The following TRIM44 variants were observed in gnomAD, a reference collection of about 807,000 sequenced individuals.
The protein encoded by TRIM44 is tripartite motif containing 44.
In TRIM44, 13 loss-of-function variants were observed where a neutral mutation model predicts 37.4. The observed-to-expected ratio is 0.35, with a 90% CI of 0.23 to 0.55. The LOEUF is 0.55. TRIM44 is among the 20% of genes least tolerant of loss of function. The probability of loss-of-function intolerance (pLI) is 0.89; values close to 1 mark genes in which losing one functional copy is unlikely to be tolerated. For synonymous variants in TRIM44, 175 were observed against 157.2 expected (o/e 1.11, Z -0.85); for missense variants, 426 against 437.2 (o/e 0.97, Z 0.23).
At chr11:35,725,066 T>TCTCACACACA (rs371948145) in intron 2 of TRIM44, among the ~76,000 whole-genome samples, 38 of 141,164 alleles carry the variant, frequency 2.7e-4, no homozygotes, top group African/African-American at 1.0e-3. Context: ...ATGCACACAC[T>TCTCACACACA]CACACACACA....
chr11:35,773,445 T>G (rs970164518), intron 4 of TRIM44, among the ~76,000 whole-genome samples: 10 of 152,058 alleles, frequency 6.6e-5, no homozygotes, highest in African/African-American at 2.4e-4. Context: ...GTTTACTCGG[T>G]GGATAGTTTA....
chr11:35,738,528 C>A (rs1276918252), intron 4 of TRIM44, among the ~76,000 whole-genome samples: 1 of 152,084 alleles, frequency 6.6e-6, no homozygotes, highest in Non-Finnish European at 1.5e-5. Flanking sequence ...GTCAGATTTT[C>A]TTTTTTAACC....
intron 4 of TRIM44, among the ~76,000 whole-genome samples, chr11:35,767,421 A>G (rs188123436): frequency 6.6e-6 from 1 of 152,246 alleles, no homozygotes; most frequent in East Asian, 1.9e-4. Context: ...TTAGGTATGC[A>G]ATAGATAATC....
chr11:35,720,345 G>A (rs912534247), intron 2 of TRIM44, among the ~76,000 whole-genome samples: 9 of 151,762 alleles, frequency 5.9e-5, no homozygotes, highest in African/African-American at 2.2e-4. Flanking sequence ...CTGGTATATA[G>A]GAAGGTGATT....
chr11:35,717,996 G>C (rs1759849996), intron 2 of TRIM44, among the ~76,000 whole-genome samples: 1 of 152,150 alleles, frequency 6.6e-6, no homozygotes, highest in Non-Finnish European at 1.5e-5. Context: ...AGGGCACCAG[G>C]AATCTAACTC....
intron 3 of TRIM44, among the ~76,000 whole-genome samples, chr11:35,727,539 CTCT>C (rs1852193299): frequency 6.6e-6 from 1 of 152,194 alleles, no homozygotes; most frequent in African/African-American, 2.4e-5. Context: ...AAAAGAATAA[CTCT>C]TCTTCTTTTC....
chr11:35,675,660 T>C (rs1851452314), intron 1 of TRIM44, among the ~76,000 whole-genome samples: 1 of 152,172 alleles, frequency 6.6e-6, no homozygotes, highest in Admixed American at 6.5e-5. Flanking sequence ...TGGCTGGAAT[T>C]ACAGGCGCCT....
At chr11:35,751,671 A>C (rs1372565801) in intron 4 of TRIM44, among the ~76,000 whole-genome samples, 1 of 152,238 alleles carries the variant, frequency 6.6e-6, no homozygotes. Flanking sequence ...AAGTGAAATA[A>C]GAGTGAATGA....
intron 2 of TRIM44, among the ~76,000 whole-genome samples, chr11:35,706,293 C>A (rs1374013157): frequency 6.6e-6 from 1 of 151,462 alleles, no homozygotes; most frequent in Non-Finnish European, 1.5e-5. Context: ...CAAAAAGAGT[C>A]CAGGACCAGA....
At chr11:35,725,820 A>C in intron 2 of TRIM44, 104 bp from the exon 3 acceptor site, 80 of 1,160,014 alleles carry the variant, frequency 6.9e-5, no homozygotes, top group Non-Finnish European at 9.1e-5. Context: ...AGGATTGGAT[A>C]GGATCCATGG....
At chr11:35,803,083 C>T (rs1314683174) in intron 4 of TRIM44, among the ~76,000 whole-genome samples, 2 of 152,042 alleles carry the variant, frequency 1.3e-5, no homozygotes, top group Non-Finnish European at 2.9e-5. Context: ...TGGAAGATAG[C>T]ATTTCGATGA....
chr11:35,694,476 A>AT lies in TRIM44; in HGVS notation c.747+9141dup, dbSNP rs752448085. 1.7e-4 allele frequency among the ~76,000 whole-genome samples: 26 copies of AT among 152,282 alleles called. 1 individual carries two copies. The highest frequency in any genetic ancestry group is 2.9e-4 in the Non-Finnish European group (20 of 68,018). The stretch of plus-strand genomic sequence containing the variant: ...TACCTTATAAAGTATAAGGTTATCC[A>AT]TGAATAAGGCTGGCTGCAAAATCCT... On this transcript the variant is annotated intron_variant, in intron 2 of 4. Coordinates refer to ENST00000299413, the MANE Select transcript of TRIM44 (RefSeq NM_017583.6).
At chr11:35,787,640 T>A (rs1853147457) in intron 4 of TRIM44, among the ~76,000 whole-genome samples, 1 of 152,214 alleles carries the variant, frequency 6.6e-6, no homozygotes, top group Admixed American at 6.5e-5. Context: ...GGGCTGTAAG[T>A]GATTAATCTG....
chr11:35,673,057 G>C (rs1463909891), intron 1 of TRIM44, among the ~76,000 whole-genome samples: 1 of 152,192 alleles, frequency 6.6e-6, no homozygotes, highest in Non-Finnish European at 1.5e-5. Flanking sequence ...AAAAAGTCTT[G>C]GAAGTATGCA....
chr11:35,688,244 T>A (rs1315812270), intron 2 of TRIM44, among the ~76,000 whole-genome samples: 1 of 152,206 alleles, frequency 6.6e-6, no homozygotes, highest in Admixed American at 6.5e-5. Context: ...GAGCACTATC[T>A]CTGCCTCACT....
At chr11:35,689,149 A>G (rs1026996021) in intron 2 of TRIM44, among the ~76,000 whole-genome samples, 2 of 152,188 alleles carry the variant, frequency 1.3e-5, no homozygotes, top group African/African-American at 4.8e-5. Flanking sequence ...AAAGAGGGAA[A>G]GGGATCCTGG....
intron 4 of TRIM44, among the ~76,000 whole-genome samples, chr11:35,738,543 A>C (rs747240670): frequency 5.3e-5 from 8 of 152,096 alleles, no homozygotes; most frequent in Non-Finnish European, 7.4e-5. Flanking sequence ...TTAACCTTTA[A>C]ATTCCTACTT....
intron 4 of TRIM44, among the ~76,000 whole-genome samples, chr11:35,761,986 A>G (rs946257679): frequency 1.3e-5 from 2 of 152,216 alleles, no homozygotes; most frequent in Non-Finnish European, 2.9e-5. Context: ...AGATTTGAGC[A>G]GTGCCCTTTT....
chr11:35,778,935 T>C (rs1853016313), intron 4 of TRIM44, among the ~76,000 whole-genome samples: 1 of 152,222 alleles, frequency 6.6e-6, no homozygotes, highest in Non-Finnish European at 1.5e-5. Flanking sequence ...TTCTCAGATC[T>C]CAAACGCCGT....
Sources: allele counts gnomAD v4.1 joint callset (sites outside exome capture counted in the v4.1 genomes callset), GRCh38; gene constraint gnomAD v4.1.1; transcripts MANE v1.5; gene names NCBI Gene and HGNC (gene_info 2026-07-23, HGNC 2026-07-21).